Variants in AGBL4 observed in about 807,000 individuals in gnomAD.
AGBL4 encodes the protein cytosolic carboxypeptidase 6.
In AGBL4, 58 loss-of-function variants were observed where a neutral mutation model predicts 66.4. The observed-to-expected ratio is 0.87, with a 90% CI of 0.71 to 1.09. The LOEUF (loss-of-function observed/expected upper bound fraction) is 1.09. Ranked by LOEUF, AGBL4 falls within the 50% of genes least tolerant of loss-of-function variation. The pLI, the probability that AGBL4 is intolerant of heterozygous loss-of-function variation, is 0.00. For missense variants in AGBL4, 579 were observed against 631.0 expected (o/e 0.92, Z 0.88); for synonymous variants, 234 against 222.9 (o/e 1.05, Z -0.44).
chr1:48,978,541 T>C (rs1659514874), intron 5 of AGBL4, among the ~76,000 whole-genome samples: 1 of 152,172 alleles, frequency 6.6e-6, no homozygotes, highest in South Asian at 2.1e-4. Flanking sequence ...CTGAATCCAA[T>C]GCTGCAGAGT....
chr1:49,569,593 T>G (rs1386809755), intron 3 of AGBL4, among the ~76,000 whole-genome samples: 1 of 152,228 alleles, frequency 6.6e-6, no homozygotes, highest in African/African-American at 2.4e-5. Context: ...CTTATTTATT[T>G]TTTTATATAA....
In AGBL4 at chr1:50,007,723, G is replaced by A. The variant is rs376192721; in HGVS notation, c.34+16040C>T. Among the ~76,000 whole-genome samples, 52 of 152,244 alleles carry A rather than the reference G, an allele frequency of 3.4e-4. 1 individual carries two copies. In the South Asian group the frequency reaches 9.5e-3, roughly 28 times the overall value. Reference sequence around the variant, plus strand: ...TCAAGACTGAGTGAGACATGATCATGCCACTGCACTCCAGCCTAGGTGACA... The same window carrying A: ...TCAAGACTGAGTGAGACATGATCATACCACTGCACTCCAGCCTAGGTGACA... On this transcript the variant is annotated intron_variant, in intron 1 of 13. Transcript: ENST00000371839.
chr1:48,681,290 C>G (rs1294726121), intron 6 of AGBL4, among the ~76,000 whole-genome samples: 2 of 152,188 alleles, frequency 1.3e-5, no homozygotes, highest in African/African-American at 2.4e-5. Flanking sequence ...GCAGACAGCA[C>G]CTGGCACTTA....
chr1:48,730,644 G>A (rs1271182213), intron 6 of AGBL4, among the ~76,000 whole-genome samples: 1 of 152,136 alleles, frequency 6.6e-6, no homozygotes, highest in Non-Finnish European at 1.5e-5. Context: ...CTCATTTCCT[G>A]TGGGTAACAG....
In AGBL4 at chr1:49,198,509, G is replaced by T. The variant is rs1158772966; in HGVS notation, c.377+47261C>A. On this transcript the variant is annotated intron_variant, in intron 4 of 13. Coordinates refer to ENST00000371839, the MANE Select transcript of AGBL4 (RefSeq NM_032785.4). ...GTGCACACCACCATGCCTGGCTAAG[G>T]TATGTATTTTTATAGAGATGGGGTA... Among the ~76,000 whole-genome samples, 8 of 151,830 alleles carry T rather than the reference G, an allele frequency of 5.3e-5. No individual in the cohort carries two copies. The South Asian group carries it at 1.7e-3, about 31-fold the overall frequency.
At position 48,533,856 on chromosome 1, in the gene AGBL4, T is replaced by C. The variant is rs943752837; in HGVS notation, c.*317A>G. The C allele has an allele frequency of 3.0e-5, 11 of 365,006 alleles. No homozygotes were observed. The highest frequency in any genetic ancestry group is 2.3e-4 in the African/African-American group (11 of 47,724). The allele number at this position is 365,006 out of a possible 1,614,324, so 22.6% of individuals were successfully genotyped here. A position where few individuals can be genotyped will look rare whatever the true frequency, so the allele number is the denominator to read the frequency against. On this transcript the variant is annotated 3_prime_UTR_variant, in exon 14 of 14. Coordinates refer to ENST00000371839, the MANE Select transcript of AGBL4 (RefSeq NM_032785.4). ...TGGCTTTGAAAGAACTGACCTGATATGTGTCAAATCTCTTAAAAGGGATGT... is the reference window on the plus strand; with the variant it reads ...TGGCTTTGAAAGAACTGACCTGATACGTGTCAAATCTCTTAAAAGGGATGT...
chr1:48,679,195 G>A (rs1646415036), intron 6 of AGBL4, among the ~76,000 whole-genome samples: 2 of 152,328 alleles, frequency 1.3e-5, no homozygotes, highest in South Asian at 4.1e-4. Flanking sequence ...ACAGATTGTG[G>A]AAAGAATGTA....
intron 2 of AGBL4, among the ~76,000 whole-genome samples, chr1:49,753,450 T>C (rs565939731): frequency 2.6e-5 from 4 of 152,236 alleles, no homozygotes; most frequent in Non-Finnish European, 5.9e-5. Context: ...GTTAGTCTGA[T>C]GGGCTTCCCT....
intron 2 of AGBL4, among the ~76,000 whole-genome samples, chr1:49,848,000 C>G (rs1646198840): frequency 6.6e-6 from 1 of 152,026 alleles, no homozygotes. Flanking sequence ...CATGCCTGGC[C>G]CAAACATATT....
intron 3 of AGBL4, among the ~76,000 whole-genome samples, chr1:49,566,266 T>TA (rs1319278768): frequency 6.6e-6 from 1 of 152,094 alleles, no homozygotes; most frequent in Non-Finnish European, 1.5e-5. Context: ...TAGCTCAGAG[T>TA]AGTTTGATCT....
intron 1 of AGBL4, among the ~76,000 whole-genome samples, chr1:49,930,426 G>C (rs1653215662): frequency 6.6e-6 from 1 of 151,926 alleles, no homozygotes; most frequent in South Asian, 2.1e-4. Flanking sequence ...TCAGAAACTT[G>C]AAAAGAATGC....
intron 2 of AGBL4, chr1:49,841,715 T>G: frequency 4.0e-6 from 1 of 247,800 alleles, no homozygotes; most frequent in East Asian, 1.1e-4. Context: ...ATACAAGAGG[T>G]GACTTGGGTG....
At chr1:49,757,019 G>A (rs976716933) in intron 2 of AGBL4, among the ~76,000 whole-genome samples, 10 of 152,140 alleles carry the variant, frequency 6.6e-5, no homozygotes, top group African/African-American at 2.4e-4. Flanking sequence ...TAATCTGAAT[G>A]ATAATCCCCA....
chr1:49,276,753 ATCTGCTCTGG>A (rs1156910009), intron 3 of AGBL4, among the ~76,000 whole-genome samples: 1 of 152,038 alleles, frequency 6.6e-6, no homozygotes, highest in Non-Finnish European at 1.5e-5. Context: ...TACCACCATA[ATCTGCTCTGG>A]TCATGCACTG....
intron 1 of AGBL4, among the ~76,000 whole-genome samples, chr1:49,974,985 A>G (rs1193605544): frequency 6.6e-6 from 1 of 152,228 alleles, no homozygotes; most frequent in Non-Finnish European, 1.5e-5. Context: ...CATTATATAC[A>G]TTTTTAACAA....
intron 11 of AGBL4, among the ~76,000 whole-genome samples, chr1:48,567,404 C>A (rs867350152): frequency 6.6e-6 from 1 of 152,176 alleles, no homozygotes; most frequent in Non-Finnish European, 1.5e-5. Flanking sequence ...TGTGATGATG[C>A]CCAGCACTGC....
At chr1:49,904,819 C>T (rs578165078) in intron 1 of AGBL4, among the ~76,000 whole-genome samples, 1 of 152,274 alleles carries the variant, frequency 6.6e-6, no homozygotes, top group African/African-American at 2.4e-5. Context: ...TCTCATGCCA[C>T]ATTAGGCAGA....
intron 6 of AGBL4, among the ~76,000 whole-genome samples, chr1:48,829,026 C>CCATT (rs1646492050): frequency 6.6e-6 from 1 of 152,112 alleles, no homozygotes; most frequent in African/African-American, 2.4e-5. Context: ...TTAGTTTTGG[C>CCATT]CATTCTGAGT....
chr1:49,182,215 A>G (rs1471907720), intron 4 of AGBL4, among the ~76,000 whole-genome samples: 1 of 152,234 alleles, frequency 6.6e-6, no homozygotes, highest in Non-Finnish European at 1.5e-5. Context: ...GCACAAAATT[A>G]TACTAAATTG....
Sources: gnomAD v4.1 joint callset for allele counts (sites outside exome capture counted in the v4.1 genomes callset) on GRCh38, gnomAD v4.1.1 for gene constraint, MANE v1.5 for transcripts, NCBI Gene and HGNC (gene_info 2026-07-23, HGNC 2026-07-21) for gene names.